NDRG2: variants seen among roughly 807,000 people sequenced by gnomAD.
The protein encoded by NDRG2 is protein NDRG2.
Under a neutral mutation model 58.2 loss-of-function variants are expected in NDRG2, and 34 were observed. The observed-to-expected ratio is 0.58, with a 90% confidence interval of 0.44 to 0.78. NDRG2 has a LOEUF of 0.78. Among genes scored for constraint, NDRG2 ranks in the 30% least tolerant of loss-of-function variants. The pLI, the probability that NDRG2 is intolerant of heterozygous loss-of-function variation, is 0.00. For missense variants in NDRG2, 434 were observed against 471.2 expected, an observed-to-expected ratio of 0.92 and a Z score of 0.73; for synonymous variants, 187 against 175.9, an observed-to-expected ratio of 1.06 and a Z score of -0.50.
Position 21,022,062 on chromosome 14 carries a change from C to G in NDRG2, c.344G>C (p.Gly115Ala), listed in dbSNP as rs1468162416. 2 of 1,614,004 alleles carry G rather than the reference C, an allele frequency of 1.2e-6. No homozygotes were observed. Among genetic ancestry groups the G allele is most frequent in the African/African-American group, 2.7e-5 (2 of 74,892 alleles). Residue 115 changes from glycine (G) to alanine (A), a missense_variant and splice_region_variant, in exon 5 of 16, where the codon GGA becomes GCA. Physicochemically the swap from Gly to Ala is moderately conservative, Grantham distance 60 (BLOSUM62 0). Coordinates refer to ENST00000556147, the MANE Select transcript of NDRG2 (RefSeq NM_001320329.2). ...MEEGAPVFPL[G>A]YQYPSLDQLA... Reference sequence around the variant, plus strand: ...GAAGCAGTAACGACCTAACTCTTACCCCAAAGGGAACACAGGGGCTCCCTC... The same window carrying G: ...GAAGCAGTAACGACCTAACTCTTACGCCAAAGGGAACACAGGGGCTCCCTC...
chr14:21,032,080 A>G, intron 1 of NDRG2: 1 of 1,610,552 alleles, frequency 6.2e-7, no homozygotes, highest in Non-Finnish European at 8.5e-7. Flanking sequence ...CCAAGTAGAG[A>G]GGAGCTTCAT....
intron 1 of NDRG2, among the ~76,000 whole-genome samples, chr14:21,061,662 G>A (rs892588292): frequency 2.0e-5 from 3 of 152,182 alleles, no homozygotes; most frequent in Non-Finnish European, 2.9e-5. Context: ...ATTTTCCAGT[G>A]GGTAAGTATG....
chr14:21,017,088 G>A lies in NDRG2; in HGVS notation c.*508C>T. 1 of 444,076 alleles carries A rather than the reference G, an allele frequency of 2.3e-6. No homozygotes were observed. Among genetic ancestry groups the A allele is most frequent in the Non-Finnish European group, 4.6e-6 (1 of 218,908 alleles). 27.5% of individuals were successfully genotyped at this position (444,076 alleles called of 1,614,324 possible). On this transcript the variant is annotated 3_prime_UTR_variant, in exon 16 of 16. Coordinates refer to ENST00000556147, the MANE Select transcript of NDRG2 (RefSeq NM_001320329.2). Reference sequence around the variant, plus strand: ...ACTGGATGTTTCTATCACATCCTGAGGACCACTAACCCACCAGCAAGTCTC... The same window carrying A: ...ACTGGATGTTTCTATCACATCCTGAAGACCACTAACCCACCAGCAAGTCTC...
At chr14:21,047,240 T>C (rs928015308) in intron 1 of NDRG2, among the ~76,000 whole-genome samples, 1 of 152,214 alleles carries the variant, frequency 6.6e-6, no homozygotes, top group Non-Finnish European at 1.5e-5. Context: ...ATACTTCCAC[T>C]GGCTGGTAGA....
chr14:21,031,057 A>C (rs1415806361), intron 1 of NDRG2: 1 of 1,614,122 alleles, frequency 6.2e-7, no homozygotes, highest in Non-Finnish European at 8.5e-7. Flanking sequence ...TCAAAGAGGC[A>C]GTGAAGGAAC....
upstream of NDRG2, chr14:21,025,126 C>G: frequency 2.0e-6 from 2 of 981,614 alleles, no homozygotes; most frequent in Middle Eastern, 5.2e-4. This position sits in a 1 kb window ranked among gnomAD's most constrained non-coding sequence, Gnocchi z 5.1. Flanking sequence ...CGCCCCAGCC[C>G]GCCCACGGGC....
chr14:21,033,689 C>T, intron 1 of NDRG2: 1 of 719,940 alleles, frequency 1.4e-6, no homozygotes, highest in East Asian at 2.5e-5. Flanking sequence ...TTTTCGCACC[C>T]ACCTGGTCTC....
At position 21,021,911 on chromosome 14, in the gene NDRG2, C is replaced by T. The variant is rs114154726; in HGVS notation, c.345-32G>A. The T allele has an allele frequency of 9.8e-4, 1,573 of 1,611,472 alleles. 16 individuals carry two copies. In the African/African-American group the frequency reaches 0.019, roughly 19 times the overall value. On this transcript the variant is annotated intron_variant, in intron 5 of 15. Coordinates refer to ENST00000556147, the MANE Select transcript of NDRG2 (RefSeq NM_001320329.2). Reference sequence around the variant, plus strand: ...AAGAGAGGCATGTTAAGGAAGATACCAACCTGCCCTCACACCCCCCACCTC... The same window carrying T: ...AAGAGAGGCATGTTAAGGAAGATACTAACCTGCCCTCACACCCCCCACCTC...
chr14:21,029,896 T>C (rs1883944943), upstream of NDRG2, among the ~76,000 whole-genome samples: 1 of 152,212 alleles, frequency 6.6e-6, no homozygotes, highest in South Asian at 2.1e-4. Flanking sequence ...CTGTTGTTTA[T>C]AAGCCACCCA....
chr14:21,030,515 C>T (rs368815788), upstream of NDRG2: 14 of 1,512,660 alleles, frequency 9.3e-6, no homozygotes, highest in African/African-American at 9.6e-5. Context: ...CTCCACAGTC[C>T]TCCCTCCCCC....
chr14:21,034,439 G>C (rs117238774), intron 1 of NDRG2: 8 of 647,346 alleles, frequency 1.2e-5, no homozygotes, highest in Non-Finnish European at 1.8e-5. Flanking sequence ...AGAAAGAGGA[G>C]ATGCTTGCCC....
intron 1 of NDRG2, among the ~76,000 whole-genome samples, chr14:21,037,213 G>A (rs1884682879): frequency 6.6e-6 from 1 of 152,244 alleles, no homozygotes; most frequent in Non-Finnish European, 1.5e-5. Flanking sequence ...ATGATTTAAT[G>A]ATGATGAGCC....
At chr14:21,043,373 C>G in intron 1 of NDRG2, 1 of 1,614,216 alleles carries the variant, frequency 6.2e-7, no homozygotes, top group Non-Finnish European at 8.5e-7. Context: ...AGCGACAGAA[C>G]AAGTCTTACG....
intron 1 of NDRG2, among the ~76,000 whole-genome samples, chr14:21,065,245 GACAA>G (rs145131076): frequency 2.0e-5 from 3 of 151,108 alleles, no homozygotes; most frequent in Non-Finnish European, 4.4e-5. Context: ...TCCTCCAACA[GACAA>G]ACAAACAAAC....
intron 1 of NDRG2, among the ~76,000 whole-genome samples, chr14:21,045,132 A>G (rs376509799): frequency 2.0e-5 from 3 of 152,190 alleles, no homozygotes; most frequent in East Asian, 3.9e-4. Flanking sequence ...ACCAAGGCAA[A>G]TACCCCCACT....
At position 21,070,273 on chromosome 14, in the gene NDRG2, C is replaced by A; in HGVS notation, c.24+555G>T. Reference sequence around the variant, plus strand: ...GGCCTGGAAGCCGGAGCGGGCCGAGCCGCCACCGCGGCCGGAGCTGTCCCT... The same window carrying A: ...GGCCTGGAAGCCGGAGCGGGCCGAGACGCCACCGCGGCCGGAGCTGTCCCT... On this transcript the variant is annotated intron_variant, in intron 1 of 14. Coordinates refer to the NDRG2 transcript ENST00000403829. The surrounding 1 kb of genome is among the most constrained non-coding windows in gnomAD (Gnocchi z 4.7). 1 of 1,065,858 alleles carries A rather than the reference C, an allele frequency of 9.4e-7. No homozygotes were observed. The highest frequency in any genetic ancestry group is 1.2e-6 in the Non-Finnish European group (1 of 846,640). The allele number at this position is 1,065,858 out of a possible 1,614,324, so 66.0% of individuals were successfully genotyped here. A position where few individuals can be genotyped will look rare whatever the true frequency, so the allele number is the denominator to read the frequency against.
In NDRG2 at chr14:21,018,189, G is replaced by C. The variant is rs148092426; in HGVS notation, c.897+15C>G. ...TATGTCCCTTCCCCATCCCATGGACGGCAGCGGCACTCACCTGAGTCAGCT... is the reference window on the plus strand; with the variant it reads ...TATGTCCCTTCCCCATCCCATGGACCGCAGCGGCACTCACCTGAGTCAGCT... On this transcript the variant is annotated intron_variant, in intron 14 of 15. Coordinates refer to ENST00000556147, the MANE Select transcript of NDRG2 (RefSeq NM_001320329.2). 3.0e-5 allele frequency: 49 copies of C among 1,613,682 alleles called. No homozygotes were observed. The South Asian group carries it at 4.4e-4, about 14-fold the overall frequency.
chr14:21,070,244 C>G lies in NDRG2; in HGVS notation c.24+584G>C, dbSNP rs1273601998. 3 of 807,188 alleles carry G rather than the reference C, an allele frequency of 3.7e-6. No individual in the cohort carries two copies. Among genetic ancestry groups the G allele is most frequent in the African/African-American group, 1.8e-5 (1 of 55,080 alleles). 50.0% of individuals were successfully genotyped at this position (807,188 alleles called of 1,614,324 possible). On this transcript the variant is annotated intron_variant, in intron 1 of 14. Transcript: ENST00000403829. The surrounding 1 kb of genome is among the most constrained non-coding windows in gnomAD (Gnocchi z 4.7). ...CGTCTCGGCCCTCCCTGGCGGGGCC[C>G]CGCGGCCTGGAAGCCGGAGCGGGCC...
At chr14:21,018,299 G>A in intron 13 of NDRG2, 60 bp from the exon 14 acceptor site, 1 of 1,610,734 alleles carries the variant, frequency 6.2e-7, no homozygotes, top group Non-Finnish European at 8.5e-7. Flanking sequence ...CATGCAGAGA[G>A]GTGGAAAGGG....
Sources: allele counts gnomAD v4.1 joint callset (sites outside exome capture counted in the v4.1 genomes callset), GRCh38; gene constraint gnomAD v4.1.1; non-coding constraint Gnocchi (gnomAD v3.1); transcripts MANE v1.5; gene names NCBI Gene and HGNC (gene_info 2026-07-23, HGNC 2026-07-21).